The following CD28 variants were observed in gnomAD, a reference collection of about 807,000 sequenced individuals.
The protein encoded by CD28 is T-cell-specific surface glycoprotein CD28.
In CD28, 8 loss-of-function variants were observed where a neutral mutation model predicts 21.4. The ratio of observed to expected loss-of-function variants is 0.37; its 90% CI spans 0.22 to 0.68. The LOEUF is 0.68. CD28 is among the 30% of genes least tolerant of loss of function. The pLI, the probability that CD28 is intolerant of heterozygous loss-of-function variation, is 0.55. For missense variants in CD28, 239 were observed against 272.2 expected (o/e 0.88, Z 0.86); for synonymous variants, 106 against 104.0 (o/e 1.02, Z -0.12).
rs754098713 is a variant in CD28 at position 203,726,616 on chromosome 2, A to T, written c.53-17A>T. On this transcript the variant is annotated splice_polypyrimidine_tract_variant and intron_variant, in intron 1 of 3. Coordinates refer to ENST00000324106, the MANE Select transcript of CD28 (RefSeq NM_006139.4). ...CTTATATTCTTGTTCTAAGCAAATGATTTTTTTTTCCCCCAGGAAACAAGA... is the reference window on the plus strand; with the variant it reads ...CTTATATTCTTGTTCTAAGCAAATGTTTTTTTTTTCCCCCAGGAAACAAGA... The T allele has an allele frequency of 7.1e-6, 11 of 1,557,986 alleles. No individual in the cohort carries two copies. The highest frequency in any genetic ancestry group is 9.7e-6 in the Non-Finnish European group (11 of 1,138,886).
rs1694016743 is a variant in CD28 at position 203,735,815 on chromosome 2, C to G, written c.*903C>G. ...CAGATCACTTGAGATCAGGACCAGCCTGGTCAAGATGGTGAAACTCCGTCT... is the reference window on the plus strand; with the variant it reads ...CAGATCACTTGAGATCAGGACCAGCGTGGTCAAGATGGTGAAACTCCGTCT... On this transcript the variant is annotated 3_prime_UTR_variant, in exon 4 of 4. Transcript: ENST00000324106. The G allele has an allele frequency of 6.6e-6, 1 of 152,126 alleles. No individual in the cohort carries two copies. The highest frequency in any genetic ancestry group is 1.5e-5 in the Non-Finnish European group (1 of 68,072). The allele number at this position is 152,126 out of a possible 1,614,324, so 9.4% of individuals were successfully genotyped here.
At chr2:203,708,160 G>T (rs1693212512) in intron 1 of CD28, among the ~76,000 whole-genome samples, 2 of 152,146 alleles carry the variant, frequency 1.3e-5, no homozygotes, top group South Asian at 4.1e-4. Context: ...AGCCCAAAGA[G>T]TATAATTTCC....
intron 3 of CD28, 82 bp from the exon 4 acceptor site, chr2:203,734,702 A>T: frequency 6.6e-7 from 1 of 1,518,488 alleles, no homozygotes. Flanking sequence ...TTGACAGTTA[A>T]TATTATGAAT....
intron 2 of CD28, among the ~76,000 whole-genome samples, chr2:203,728,604 A>T (rs531635202): frequency 4.6e-5 from 7 of 152,312 alleles, no homozygotes; most frequent in Admixed American, 2.0e-4. Context: ...AAATAGAGAC[A>T]ATTAATGTGT....
intron 1 of CD28, among the ~76,000 whole-genome samples, chr2:203,716,713 T>A (rs564696917): frequency 6.6e-6 from 1 of 152,320 alleles, no homozygotes; most frequent in Non-Finnish European, 1.5e-5. Context: ...AGCACAATAA[T>A]TTTTTTAAGA....
In CD28 at chr2:203,737,402, T is replaced by A. The variant is rs1694064278; in HGVS notation, c.*2490T>A. ...AAAATGACAGAGCTGGAGAGTTTTT[T>A]GAAATGGCAGTGGCAAATAAATAAA... On this transcript the variant is annotated 3_prime_UTR_variant, in exon 4 of 4. Coordinates refer to ENST00000324106, the MANE Select transcript of CD28 (RefSeq NM_006139.4). 1 of 152,116 alleles carries A rather than the reference T, an allele frequency of 6.6e-6. No individual in the cohort carries two copies. The highest frequency in any genetic ancestry group is 1.5e-5 in the Non-Finnish European group (1 of 68,010). 9.4% of individuals were successfully genotyped at this position (152,116 alleles called of 1,614,324 possible).
At position 203,738,905 on chromosome 2, in the gene CD28, T is replaced by G. The variant is rs1694118120; in HGVS notation, c.*3993T>G. The G allele has an allele frequency of 6.6e-6, 1 of 152,230 alleles. No individual in the cohort carries two copies. The allele number at this position is 152,230 out of a possible 1,614,324, so 9.4% of individuals were successfully genotyped here. ...TGGTATATAATAAATATTTATTGAC[T>G]GAGTGAATGAGTTTTACATGGCCTT... On this transcript the variant is annotated 3_prime_UTR_variant, in exon 4 of 4. Coordinates refer to ENST00000324106, the MANE Select transcript of CD28 (RefSeq NM_006139.4).
intron 1 of CD28, among the ~76,000 whole-genome samples, chr2:203,711,998 T>C (rs565210823): frequency 7.2e-4 from 110 of 151,988 alleles, no homozygotes; most frequent in Non-Finnish European, 1.4e-3. Context: ...TTGAGACCAG[T>C]CTGGCCAATA....
chr2:203,730,736 G>A (rs1002716579), intron 3 of CD28, among the ~76,000 whole-genome samples: 5 of 152,210 alleles, frequency 3.3e-5, no homozygotes, highest in Admixed American at 1.3e-4. Flanking sequence ...TTATTGGATT[G>A]ATGAATTGAT....
chr2:203,723,865 T>C (rs964528380), intron 1 of CD28, among the ~76,000 whole-genome samples: 5 of 152,200 alleles, frequency 3.3e-5, no homozygotes, highest in South Asian at 2.1e-4. Flanking sequence ...AGAGTTACCA[T>C]ATGACCCAGC....
intron 3 of CD28, among the ~76,000 whole-genome samples, chr2:203,732,745 G>A (rs1452449883): frequency 6.6e-6 from 1 of 152,200 alleles, no homozygotes; most frequent in African/African-American, 2.4e-5. Flanking sequence ...CATACTCAAT[G>A]CACATGGGTG....
Position 203,734,939 on chromosome 2 carries a change from G to A in CD28, c.*27G>A, listed in dbSNP as rs201991178. ...ACGGACGCCTATCCAGAAGCCAGCC[G>A]GCTGGCAGCCCCCATCTGCTCAATA... On this transcript the variant is annotated 3_prime_UTR_variant, in exon 4 of 4. Coordinates refer to ENST00000324106, the MANE Select transcript of CD28 (RefSeq NM_006139.4). The A allele has an allele frequency of 8.7e-6, 14 of 1,610,018 alleles. No homozygotes were observed. Among genetic ancestry groups the A allele is most frequent in the African/African-American group, 2.7e-5 (2 of 75,008 alleles).
Position 203,729,747 on chromosome 2 carries a change from T to C in CD28, c.509T>C (p.Val170Ala), listed in dbSNP as rs201163391. The change falls in exon 3 of 4, where the codon GTA becomes GCA. Residue 170 changes from valine (V) to alanine (A), a missense_variant. By Grantham distance (64) the Val-to-Ala change is moderately conservative. Around this residue, in one of 3 missense-constraint regions of CD28, gnomAD observed 112 missense variants for 112.8 expected, o/e 0.99. Coordinates refer to ENST00000324106, the MANE Select transcript of CD28 (RefSeq NM_006139.4). Reference sequence around the variant, plus strand: ...GTCCTGGCTTGCTATAGCTTGCTAGTAACAGTGGCCTTTATTATTTTCTGG... The same window carrying C: ...GTCCTGGCTTGCTATAGCTTGCTAGCAACAGTGGCCTTTATTATTTTCTGG... ...GGVLACYSLL[V>A]TVAFIIFWVR... is the part of the protein sequence containing the mutation. 6.2e-6 allele frequency: 10 copies of C among 1,614,092 alleles called. No individual in the cohort carries two copies. Among genetic ancestry groups the C allele is most frequent in the Non-Finnish European group, 8.5e-6 (10 of 1,179,946 alleles).
rs141027316 is a variant in CD28 at position 203,706,718 on chromosome 2, C to G, written c.22C>G (p.Leu8Val). 7 of 1,613,852 alleles carry G rather than the reference C, an allele frequency of 4.3e-6. No homozygotes were observed. Among genetic ancestry groups the G allele is most frequent in the Non-Finnish European group, 5.9e-6 (7 of 1,179,924 alleles). ...AAAGATGCTCAGGCTGCTCTTGGCT[C>G]TCAACTTATTCCCTTCAATTCAAGT... MLRLLLA[L>V]NLFPSIQVTG... Residue 8 changes from leucine to valine, a missense_variant, in exon 1 of 4, where the codon CTC becomes GTC. Leu to Val is a conservative substitution (Grantham distance 32, BLOSUM62 1). Coordinates refer to ENST00000324106, the MANE Select transcript of CD28 (RefSeq NM_006139.4).
Position 203,738,767 on chromosome 2 carries a change from T to G in CD28, c.*3855T>G, listed in dbSNP as rs1248095125. The G allele has an allele frequency of 6.6e-6, 1 of 152,158 alleles. No individual in the cohort carries two copies. Among genetic ancestry groups the G allele is most frequent in the Non-Finnish European group, 1.5e-5 (1 of 68,024 alleles). 9.4% of individuals were successfully genotyped at this position (152,158 alleles called of 1,614,324 possible). A position where few individuals can be genotyped will look rare whatever the true frequency, so the allele number is the denominator to read the frequency against. On this transcript the variant is annotated 3_prime_UTR_variant, in exon 4 of 4. Transcript: ENST00000324106. ...CCTTGCTTATTTTTCTCCATAGCAT[T>G]TTACCATCTCTTACATTAGACATTT...
intron 1 of CD28, among the ~76,000 whole-genome samples, chr2:203,710,547 C>T (rs918683811): frequency 3.9e-5 from 6 of 152,096 alleles, no homozygotes; most frequent in Non-Finnish European, 5.9e-5. Flanking sequence ...TCCTTTTTAA[C>T]GTCTTATGCC....
At position 203,714,654 on chromosome 2, in the gene CD28, A is replaced by G. The variant is rs115016024; in HGVS notation, c.52+7906A>G. Among the ~76,000 whole-genome samples the G allele has an allele frequency of 9.2e-3, 1,397 of 152,244 alleles. 22 individuals carry two copies. Among genetic ancestry groups the G allele is most frequent in the African/African-American group, 0.033 (1,351 of 41,542 alleles). On this transcript the variant is annotated intron_variant, in intron 1 of 3. Coordinates refer to ENST00000324106, the MANE Select transcript of CD28 (RefSeq NM_006139.4). ...TTGGGCTGGAGGATATCTCAGGTCT[A>G]CTTTCTGGCTTAAAAGTGCTTCTGA... is the stretch of plus-strand genomic sequence containing the variant.
chr2:203,721,137 G>T (rs933280239), intron 1 of CD28, among the ~76,000 whole-genome samples: 5 of 152,186 alleles, frequency 3.3e-5, no homozygotes, highest in Non-Finnish European at 2.9e-5. Flanking sequence ...ACGATTTCAA[G>T]CACAGTATCT....
rs1033336946 is a variant in CD28, at chr2:203,736,198, C to T, written c.*1286C>T. 3.9e-5 allele frequency: 6 copies of T among 152,466 alleles called. No homozygotes were observed. Among genetic ancestry groups the T allele is most frequent in the African/African-American group, 1.2e-4 (5 of 41,368 alleles). The allele number at this position is 152,466 out of a possible 1,614,324, so 9.4% of individuals were successfully genotyped here. ...CCAAAGTGGGTTGTGGAAAGAGCGTCCATAGGAGAAGTGAGAATACTGTGA... is the reference window on the plus strand; with the variant it reads ...CCAAAGTGGGTTGTGGAAAGAGCGTTCATAGGAGAAGTGAGAATACTGTGA... On this transcript the variant is annotated 3_prime_UTR_variant, in exon 4 of 4. Transcript: ENST00000324106.
Sources: gnomAD v4.1 joint callset for allele counts (sites outside exome capture counted in the v4.1 genomes callset) on GRCh38, gnomAD v4.1.1 for gene constraint, gnomAD v4.1.1 regional missense constraint, MANE v1.5 for transcripts, NCBI Gene and HGNC (gene_info 2026-07-23, HGNC 2026-07-21) for gene names.